The following EYA2 variants were observed in gnomAD, a reference collection of about 807,000 sequenced individuals.
EYA2 encodes EYA transcriptional coactivator and phosphatase 2.
In EYA2, 31 loss-of-function variants were observed where a neutral mutation model predicts 69.2. The ratio of observed to expected loss-of-function variants is 0.45; its 90% CI spans 0.34 to 0.60. EYA2 has a LOEUF of 0.60. Among genes scored for constraint, EYA2 ranks in the 20% least tolerant of loss-of-function variants. EYA2 has a pLI of 0.02. For synonymous variants in EYA2, 257 were observed against 279.4 expected, an observed-to-expected ratio of 0.92 and a Z score of 0.80; for missense variants, 622 against 701.2, an observed-to-expected ratio of 0.89 and a Z score of 1.28.
At chr20:46,942,341 G>A (rs1486971625) in intron 1 of EYA2, among the ~76,000 whole-genome samples, 1 of 151,918 alleles carries the variant, frequency 6.6e-6, no homozygotes, top group Non-Finnish European at 1.5e-5. Context: ...CTGAGTAGTT[G>A]GGACTACAAG....
intron 9 of EYA2, among the ~76,000 whole-genome samples, chr20:47,137,088 G>T (rs1012137674): frequency 2.0e-5 from 3 of 151,572 alleles, no homozygotes; most frequent in African/African-American, 7.3e-5. Context: ...ACACATTGAA[G>T]CCTGTTTTGG....
intron 9 of EYA2, among the ~76,000 whole-genome samples, chr20:47,120,425 A>AAAAG (rs769359522): frequency 6.6e-6 from 1 of 152,196 alleles, no homozygotes; most frequent in Non-Finnish European, 1.5e-5. Context: ...AAATTTTTTA[A>AAAAG]AAAGAAAGAA....
intron 5 of EYA2, among the ~76,000 whole-genome samples, chr20:47,029,479 G>A (rs1204733085): frequency 6.6e-6 from 1 of 152,170 alleles, no homozygotes; most frequent in Non-Finnish European, 1.5e-5. Context: ...GCCAATTTGG[G>A]GTTGACATAA....
chr20:47,076,858 A>G lies in EYA2; in HGVS notation c.661+2523A>G, dbSNP rs112664732. 6.1e-3 allele frequency among the ~76,000 whole-genome samples: 925 copies of G among 152,218 alleles called. 5 individuals are homozygous for G. The highest frequency in any genetic ancestry group is 0.021 in the African/African-American group (884 of 41,532). On this transcript the variant is annotated intron_variant, in intron 7 of 15. Transcript: ENST00000327619. ...ATGGCCACCAGCTACCCAGAGCTCA[A>G]TCCTGTCTGCTAATCCATCCCAGCA...
At chr20:47,118,306 TTTGA>T (rs1392140494) in intron 9 of EYA2, among the ~76,000 whole-genome samples, 3 of 152,254 alleles carry the variant, frequency 2.0e-5, no homozygotes, top group African/African-American at 7.2e-5. Flanking sequence ...AAAGGATGAC[TTTGA>T]TTGGGCTTCT....
chr20:46,906,963 G>C (rs1984388494), intron 1 of EYA2, among the ~76,000 whole-genome samples: 1 of 152,086 alleles, frequency 6.6e-6, no homozygotes, highest in Non-Finnish European at 1.5e-5. Context: ...ATTATCTTTA[G>C]GGTACAGTAC....
Position 47,021,276 on chromosome 20 carries a change from G to A in EYA2, c.415+4979G>A, listed in dbSNP as rs181235739. On this transcript the variant is annotated intron_variant, in intron 5 of 15. Coordinates refer to ENST00000327619, the MANE Select transcript of EYA2 (RefSeq NM_005244.5). Reference sequence around the variant, plus strand: ...AAAAGAGGAATACTAATCTGAGACTGTGGGACTGTCTGCATCCACATAAAC... The same window carrying A: ...AAAAGAGGAATACTAATCTGAGACTATGGGACTGTCTGCATCCACATAAAC... Among the ~76,000 whole-genome samples, 556 of 152,292 alleles carry A rather than the reference G, an allele frequency of 3.7e-3. 5 individuals are homozygous for A. The highest frequency in any genetic ancestry group is 4.4e-3 in the Non-Finnish European group (297 of 68,024).
chr20:47,060,235 ACT>A (rs2030817273), intron 5 of EYA2, among the ~76,000 whole-genome samples: 1 of 152,080 alleles, frequency 6.6e-6, no homozygotes, highest in Non-Finnish European at 1.5e-5. Flanking sequence ...TTTAACAAGA[ACT>A]CTCTACCCCA....
intron 7 of EYA2, among the ~76,000 whole-genome samples, chr20:47,083,715 T>C (rs2031801413): frequency 6.6e-6 from 1 of 152,178 alleles, no homozygotes. Flanking sequence ...GGAGACAGTT[T>C]TGTGACTTTG....
chr20:46,908,870 CTTTTTTTTTTTTTTTT>C (rs56834738), intron 1 of EYA2, among the ~76,000 whole-genome samples: 14 of 47,558 alleles, frequency 2.9e-4, no homozygotes, highest in East Asian at 1.2e-3. Flanking sequence ...CTCTCCCGCA[CTTTTTTTTTTTTTTTT>C]TTTTTTTTTT....
Position 47,113,180 on chromosome 20 carries a change from C to T in EYA2, c.888+16012C>T, listed in dbSNP as rs116791787. Among the ~76,000 whole-genome samples the T allele has an allele frequency of 5.9e-3, 897 of 152,092 alleles. 12 individuals carry two copies. The highest frequency in any genetic ancestry group is 0.019 in the African/African-American group (805 of 41,486). On this transcript the variant is annotated intron_variant, in intron 9 of 15. Transcript: ENST00000327619. ...GAGCCACCGCAACTGGCAGATTTTA[C>T]GTCCAAATGCAACAAAGGCTAGCTG... is the stretch of plus-strand genomic sequence containing the variant.
chr20:47,008,455 G>T (rs1209694450), intron 4 of EYA2, among the ~76,000 whole-genome samples: 1 of 152,164 alleles, frequency 6.6e-6, no homozygotes, highest in Non-Finnish European at 1.5e-5. Context: ...ACAGGTGTGG[G>T]CATCTTTTCT....
chr20:47,078,878 T>A (rs907783076), intron 7 of EYA2, among the ~76,000 whole-genome samples: 1 of 152,220 alleles, frequency 6.6e-6, no homozygotes, highest in African/African-American at 2.4e-5. Flanking sequence ...CTAACAAAAT[T>A]TAAAATGCAT....
chr20:47,133,148 A>G (rs2033382881), intron 9 of EYA2, among the ~76,000 whole-genome samples: 1 of 151,868 alleles, frequency 6.6e-6, no homozygotes, highest in African/African-American at 2.4e-5. Flanking sequence ...AGCTCCCTAA[A>G]TATTTTCATA....
intron 5 of EYA2, among the ~76,000 whole-genome samples, chr20:47,018,673 C>A (rs1412100880): frequency 1.3e-5 from 2 of 152,184 alleles, no homozygotes; most frequent in Admixed American, 1.3e-4. Flanking sequence ...TTCAAGGACT[C>A]CAGAGGAGCC....
Position 47,090,317 on chromosome 20 carries a change from G to A in EYA2, c.804+936G>A, listed in dbSNP as rs541682930. On this transcript the variant is annotated intron_variant, in intron 8 of 15. Coordinates refer to ENST00000327619, the MANE Select transcript of EYA2 (RefSeq NM_005244.5). ...TGCAGTGGCACAATCTCGGCTCACC[G>A]CAACCTCCACCTCCCAGGTTCAAGC... Among the ~76,000 whole-genome samples the A allele has an allele frequency of 1.2e-3, 165 of 142,186 alleles. 2 individuals are homozygous for A. The highest frequency in any genetic ancestry group is 2.0e-3 in the Non-Finnish European group (132 of 66,612). 93.3% of individuals were successfully genotyped at this position (142,186 alleles called of 152,430 possible).
intron 1 of EYA2, among the ~76,000 whole-genome samples, chr20:46,905,614 T>G (rs189699452): frequency 2.6e-5 from 4 of 152,306 alleles, no homozygotes; most frequent in African/African-American, 9.6e-5. Flanking sequence ...TGAAGTGACT[T>G]CCTCCTCAGA....
rs16992102 is a variant in EYA2 at position 46,949,238 on chromosome 20, C to T, written c.-10-40763C>T. On this transcript the variant is annotated intron_variant, in intron 1 of 15. Coordinates refer to ENST00000327619, the MANE Select transcript of EYA2 (RefSeq NM_005244.5). ...CATGTTTTAAGTCCTCTTAGAAAGA[C>T]ACTATATTGTGCTTCATAAGATGAT... Among the ~76,000 whole-genome samples, 759 of 152,332 alleles carry T rather than the reference C, an allele frequency of 5.0e-3. 9 individuals are homozygous for T. Among genetic ancestry groups the T allele is most frequent in the African/African-American group, 0.017 (720 of 41,572 alleles).
At chr20:46,972,236 C>T (rs1333799884) in intron 1 of EYA2, among the ~76,000 whole-genome samples, 1 of 152,286 alleles carries the variant, frequency 6.6e-6, no homozygotes, top group East Asian at 1.9e-4. Flanking sequence ...AATGTCCCTG[C>T]AGGAGAAGCT....
Sources: allele counts gnomAD v4.1 joint callset (sites outside exome capture counted in the v4.1 genomes callset), GRCh38; gene constraint gnomAD v4.1.1; transcripts MANE v1.5; gene names NCBI Gene and HGNC (gene_info 2026-07-23, HGNC 2026-07-21).